The following GNA12 variants were observed in gnomAD, a reference collection of about 807,000 sequenced individuals.
The protein encoded by GNA12 is guanine nucleotide-binding protein subunit alpha-12.
In GNA12, 9 loss-of-function variants were observed where a neutral mutation model predicts 26.0. The observed-to-expected ratio is 0.35, with a 90% CI of 0.21 to 0.60. GNA12 has a LOEUF of 0.60. Among genes scored for constraint, GNA12 ranks in the 20% least tolerant of loss-of-function variants. The pLI, the probability that GNA12 is intolerant of heterozygous loss-of-function variation, is 0.78. For synonymous variants in GNA12, 264 were observed against 219.6 expected (o/e 1.20, Z -1.79); for missense variants, 405 against 525.8 (o/e 0.77, Z 2.25).
chr7:2,843,177 C>A lies in GNA12; in HGVS notation c.309+676G>T, dbSNP rs369064563. ...GTCTCCACTGCTCTTCTTCTAAGCT[C>A]AGCCGGAGGGCACGGCCGGTTGGGC... On this transcript the variant is annotated intron_variant, in intron 1 of 3. Transcript: ENST00000275364. Among the ~76,000 whole-genome samples, 159 of 152,232 alleles carry A rather than the reference C, an allele frequency of 1.0e-3. 1 individual carries two copies. Among genetic ancestry groups the A allele is most frequent in the African/African-American group, 3.8e-3 (158 of 41,544 alleles).
chr7:2,821,916 C>T (rs1793378787), intron 1 of GNA12, among the ~76,000 whole-genome samples: 1 of 152,134 alleles, frequency 6.6e-6, no homozygotes, highest in Non-Finnish European at 1.5e-5. Flanking sequence ...TTTATGCATC[C>T]AACAAATACT....
intron 1 of GNA12, among the ~76,000 whole-genome samples, chr7:2,804,621 G>A (rs1792899129): frequency 6.6e-6 from 1 of 152,178 alleles, no homozygotes; most frequent in Admixed American, 6.5e-5. Flanking sequence ...GTGAGAAAAT[G>A]GTGAAATCTT....
intron 2 of GNA12, chr7:2,765,000 A>G (rs1233326425): frequency 6.6e-6 from 1 of 152,240 alleles, no homozygotes; most frequent in Non-Finnish European, 1.5e-5. Flanking sequence ...TTGTATTATA[A>G]TGAAAATGAA....
chr7:2,739,361 T>G (rs1024812497), intron 2 of GNA12, among the ~76,000 whole-genome samples: 1 of 152,168 alleles, frequency 6.6e-6, no homozygotes, highest in African/African-American at 2.4e-5. Flanking sequence ...GGATCTCTCA[T>G]TGGAGCGCAT....
chr7:2,746,143 T>C (rs1481965173), intron 2 of GNA12, among the ~76,000 whole-genome samples: 3 of 152,108 alleles, frequency 2.0e-5, no homozygotes, highest in South Asian at 2.1e-4. Context: ...TACCCAGGAA[T>C]TGAATTCAGC....
At chr7:2,797,939 C>G (rs369983422) in intron 1 of GNA12, among the ~76,000 whole-genome samples, 3 of 152,110 alleles carry the variant, frequency 2.0e-5, no homozygotes, top group East Asian at 1.9e-4. Context: ...AAAATACTTA[C>G]CACCCACTCA....
At chr7:2,801,934 C>G (rs1792818709) in intron 1 of GNA12, among the ~76,000 whole-genome samples, 1 of 152,114 alleles carries the variant, frequency 6.6e-6, no homozygotes, top group African/African-American at 2.4e-5. Flanking sequence ...TTTTGCAGAA[C>G]TGATAGTTAC....
chr7:2,827,227 G>A (rs1793503843), intron 1 of GNA12, among the ~76,000 whole-genome samples: 1 of 152,132 alleles, frequency 6.6e-6, no homozygotes, highest in Non-Finnish European at 1.5e-5. Flanking sequence ...GCCAGGGGCC[G>A]GGAGAAGGAG....
intron 2 of GNA12, among the ~76,000 whole-genome samples, chr7:2,755,051 G>C (rs1054877037): frequency 4.6e-5 from 7 of 152,200 alleles, no homozygotes; most frequent in African/African-American, 1.7e-4. Context: ...TCTTCACTGA[G>C]TTGCTTCTGC....
intron 2 of GNA12, chr7:2,763,191 A>ACACACACACACACAC (rs1791652924): frequency 1.3e-5 from 3 of 222,644 alleles, no homozygotes; most frequent in African/African-American, 2.7e-5. Context: ...AAGACACCCC[A>ACACACACACACACAC]ACACACACAC....
At chr7:2,742,668 C>A (rs2115333444) in intron 2 of GNA12, among the ~76,000 whole-genome samples, 1 of 152,320 alleles carries the variant, frequency 6.6e-6, no homozygotes, top group African/African-American at 2.4e-5. Context: ...CCGCAAACAC[C>A]TGCAGAGTTT....
chr7:2,748,080 C>A (rs1790854874), intron 2 of GNA12, among the ~76,000 whole-genome samples: 1 of 150,734 alleles, frequency 6.6e-6, no homozygotes, highest in African/African-American at 2.5e-5. Flanking sequence ...AATGGCCATA[C>A]TGCCCAAGGT....
At chr7:2,836,787 G>T (rs191687806) in intron 1 of GNA12, among the ~76,000 whole-genome samples, 28 of 152,272 alleles carry the variant, frequency 1.8e-4, no homozygotes, top group Non-Finnish European at 3.2e-4. Context: ...AGCTGGGCAT[G>T]GTGGTGCGTG....
In GNA12 at chr7:2,822,986, A is replaced by G. The variant is rs138863494; in HGVS notation, c.309+20867T>C. ...CATTCCCTGGCCTCCCATTACTGGAATTCAACATGGTTTAGGAGATTAAAG... is the reference window on the plus strand; with the variant it reads ...CATTCCCTGGCCTCCCATTACTGGAGTTCAACATGGTTTAGGAGATTAAAG... On this transcript the variant is annotated intron_variant, in intron 1 of 3. Coordinates refer to ENST00000275364, the MANE Select transcript of GNA12 (RefSeq NM_007353.3). Among the ~76,000 whole-genome samples, 745 of 152,294 alleles carry G rather than the reference A, an allele frequency of 4.9e-3. 7 individuals are homozygous for G. The highest frequency in any genetic ancestry group is 0.017 in the African/African-American group (691 of 41,552).
At chr7:2,842,042 AAAAAGGAAGGAAGGTAGAAAGAAAGGAAG>A (rs1053683161) in intron 1 of GNA12, among the ~76,000 whole-genome samples, 11 of 132,758 alleles carry the variant, frequency 8.3e-5, no homozygotes, top group Admixed American at 7.9e-4. Flanking sequence ...GAAGAAAAGA[AAAAAGGAAGGAAGGTAGAAAGAAAGGAAG>A]AAAAGGAAGG....
intron 1 of GNA12, among the ~76,000 whole-genome samples, chr7:2,841,505 C>A (rs1180416843): frequency 2.6e-5 from 4 of 152,046 alleles, no homozygotes; most frequent in African/African-American, 9.7e-5. Context: ...ACAGACGCTC[C>A]CAGTGAGCTA....
chr7:2,809,676 T>C (rs1259378731), intron 1 of GNA12, among the ~76,000 whole-genome samples: 4 of 152,154 alleles, frequency 2.6e-5, no homozygotes, highest in Non-Finnish European at 5.9e-5. Flanking sequence ...AAAAGCCTAT[T>C]GACAGGAAAA....
intron 2 of GNA12, among the ~76,000 whole-genome samples, chr7:2,744,829 C>T (rs995721565): frequency 6.6e-6 from 1 of 152,042 alleles, no homozygotes; most frequent in African/African-American, 2.4e-5. Flanking sequence ...CTTAAAGGAC[C>T]TGATGGAGCT....
chr7:2,796,056 G>C (rs1317736539), intron 1 of GNA12, among the ~76,000 whole-genome samples: 1 of 151,858 alleles, frequency 6.6e-6, no homozygotes, highest in Non-Finnish European at 1.5e-5. Context: ...GTAGAGAGGG[G>C]GGTTCCACCA....
Sources: allele counts gnomAD v4.1 joint callset (sites outside exome capture counted in the v4.1 genomes callset), GRCh38; gene constraint gnomAD v4.1.1; transcripts MANE v1.5; gene names NCBI Gene and HGNC (gene_info 2026-07-23, HGNC 2026-07-21).